The following EPB41L4A variants were observed in gnomAD, a reference collection of about 807,000 sequenced individuals.
EPB41L4A encodes band 4.1-like protein 4A.
EPB41L4A carries 100 observed loss-of-function variants against 108.6 expected under a neutral mutation model. The ratio of observed to expected loss-of-function variants is 0.92; its 90% CI spans 0.78 to 1.09. The LOEUF is 1.09. Among genes scored for constraint, EPB41L4A ranks in the 50% least tolerant of loss-of-function variants. EPB41L4A has a pLI of 0.00. For synonymous variants in EPB41L4A, 319 were observed against 289.0 expected, an observed-to-expected ratio of 1.10 and a Z score of -1.05; for missense variants, 1,030 against 842.7, an observed-to-expected ratio of 1.22 and a Z score of -2.75.
chr5:112,189,254 A>C (rs1761573590), intron 17 of EPB41L4A, among the ~76,000 whole-genome samples: 2 of 152,204 alleles, frequency 1.3e-5, no homozygotes, highest in Admixed American at 6.5e-5. Flanking sequence ...GGATGTTATC[A>C]ATTTAACAGA....
chr5:112,335,533 G>A (rs1756861345), intron 1 of EPB41L4A, among the ~76,000 whole-genome samples: 1 of 152,106 alleles, frequency 6.6e-6, no homozygotes, highest in African/African-American at 2.4e-5. Flanking sequence ...TTTCCAGATG[G>A]CCATTTTACC....
At chr5:112,299,118 T>C (rs1414057456) in intron 2 of EPB41L4A, among the ~76,000 whole-genome samples, 1 of 152,230 alleles carries the variant, frequency 6.6e-6, no homozygotes, top group Non-Finnish European at 1.5e-5. Flanking sequence ...CATTTATCTT[T>C]TGCATTTCTT....
chr5:112,324,048 T>C (rs1270091761), intron 1 of EPB41L4A, among the ~76,000 whole-genome samples: 4 of 152,172 alleles, frequency 2.6e-5, no homozygotes, highest in Non-Finnish European at 4.4e-5. Flanking sequence ...AAAGAAATCT[T>C]TGAGGATATG....
chr5:112,249,336 G>T (rs1242402557), intron 9 of EPB41L4A: 1 of 152,120 alleles, frequency 6.6e-6, no homozygotes, highest in Non-Finnish European at 1.5e-5. Flanking sequence ...ACGGCTGGTA[G>T]CAAATGACTA....
At chr5:112,231,002 C>T (rs1748876955) in intron 12 of EPB41L4A, among the ~76,000 whole-genome samples, 1 of 152,170 alleles carries the variant, frequency 6.6e-6, no homozygotes, top group Non-Finnish European at 1.5e-5. Context: ...TTTAACACAG[C>T]ACTATTTAAT....
At chr5:112,351,488 A>G (rs1758040560) in intron 1 of EPB41L4A, among the ~76,000 whole-genome samples, 1 of 152,194 alleles carries the variant, frequency 6.6e-6, no homozygotes, top group Admixed American at 6.5e-5. Flanking sequence ...ATCTTCCAAC[A>G]AAGAAAAGCC....
intron 1 of EPB41L4A, among the ~76,000 whole-genome samples, chr5:112,380,794 C>T (rs1258505964): frequency 3.5e-5 from 1 of 28,722 alleles, no homozygotes; most frequent in Non-Finnish European, 1.1e-4. Flanking sequence ...CACACACATA[C>T]ACACACACAC....
chr5:112,288,103 G>A (rs1382373750), intron 2 of EPB41L4A, among the ~76,000 whole-genome samples: 1 of 152,138 alleles, frequency 6.6e-6, no homozygotes, highest in Admixed American at 6.5e-5. Context: ...TGCTATAACT[G>A]TAAAATCCTT....
rs1435441392 is a variant in EPB41L4A, at chr5:112,412,249, T to C, written c.99+6692A>G. ...TTCTAACTTCCTCTTGGCATGTCAA[T>C]ATCCTGTGCTGGAAAACAAACTTCT... On this transcript the variant is annotated intron_variant, in intron 1 of 22. Coordinates refer to ENST00000261486, the MANE Select transcript of EPB41L4A (RefSeq NM_022140.5). Among the ~76,000 whole-genome samples the C allele has an allele frequency of 2.6e-5, 4 of 152,318 alleles. No individual in the cohort carries two copies. The South Asian group carries it at 8.3e-4, about 32-fold the overall frequency.
In EPB41L4A at chr5:112,301,881, T is replaced by G. The variant is rs145771553; in HGVS notation, c.204+5505A>C. On this transcript the variant is annotated intron_variant, in intron 2 of 22. Coordinates refer to ENST00000261486, the MANE Select transcript of EPB41L4A (RefSeq NM_022140.5). ...GAAATAAACTTTTAAAATTCCAATT[T>G]ATATGTATATTATGGATATATGTTT... Among the ~76,000 whole-genome samples the G allele has an allele frequency of 1.8e-3, 273 of 152,192 alleles. 1 individual carries two copies. Among genetic ancestry groups the G allele is most frequent in the African/African-American group, 6.3e-3 (261 of 41,554 alleles).
downstream of EPB41L4A, among the ~76,000 whole-genome samples, chr5:112,158,663 G>A (rs1288483978): frequency 6.6e-6 from 1 of 152,166 alleles, no homozygotes; most frequent in African/African-American, 2.4e-5. Flanking sequence ...CATAGCGGAA[G>A]GGGAAGCAAA....
chr5:112,339,510 A>ATCTATATATC (rs1491378172), intron 1 of EPB41L4A, among the ~76,000 whole-genome samples: 3 of 56,016 alleles, frequency 5.4e-5, no homozygotes, highest in African/African-American at 1.7e-4. Context: ...ATATATATAT[A>ATCTATATATC]GATATATAGA....
intron 2 of EPB41L4A, among the ~76,000 whole-genome samples, chr5:112,291,665 C>T (rs1191111451): frequency 6.6e-6 from 1 of 152,140 alleles, no homozygotes; most frequent in East Asian, 1.9e-4. Flanking sequence ...AAAGTCTAGC[C>T]CTATACACCT....
intron 1 of EPB41L4A, among the ~76,000 whole-genome samples, chr5:112,319,620 A>G (rs1046119273): frequency 6.6e-6 from 1 of 152,242 alleles, no homozygotes. Context: ...GCATCAGACA[A>G]GCCGAAATTG....
At chr5:112,230,808 T>A (rs1018557273) in intron 12 of EPB41L4A, among the ~76,000 whole-genome samples, 6 of 152,210 alleles carry the variant, frequency 3.9e-5, no homozygotes, top group African/African-American at 1.4e-4. Context: ...CCTAAGCCAA[T>A]GTCTAGAAGA....
intron 1 of EPB41L4A, among the ~76,000 whole-genome samples, chr5:112,340,536 T>A (rs1172635626): frequency 6.6e-6 from 1 of 152,206 alleles, no homozygotes; most frequent in Non-Finnish European, 1.5e-5. Context: ...CTTACTTAGA[T>A]TACTTCCTTC....
At chr5:112,267,771 C>T (rs1008339853) in intron 4 of EPB41L4A, among the ~76,000 whole-genome samples, 46 of 152,172 alleles carry the variant, frequency 3.0e-4, no homozygotes, top group African/African-American at 1.1e-3. Flanking sequence ...GATCATGTCA[C>T]TCTTTCAGTT....
chr5:112,169,731 G>T (rs866933863), intron 20 of EPB41L4A, among the ~76,000 whole-genome samples: 1 of 152,150 alleles, frequency 6.6e-6, no homozygotes, highest in African/African-American at 2.4e-5. Flanking sequence ...ACGGAGGGTG[G>T]CTGGGGTGTA....
chr5:112,227,811 G>A (rs1748577501), intron 12 of EPB41L4A, among the ~76,000 whole-genome samples: 1 of 152,206 alleles, frequency 6.6e-6, no homozygotes, highest in Non-Finnish European at 1.5e-5. Flanking sequence ...TTCATCAAAT[G>A]AAACTGTACT....
Sources: allele counts gnomAD v4.1 joint callset (sites outside exome capture counted in the v4.1 genomes callset), GRCh38; gene constraint gnomAD v4.1.1; transcripts MANE v1.5; gene names NCBI Gene and HGNC (gene_info 2026-07-23, HGNC 2026-07-21).